Variants in C2orf66 observed in about 807,000 individuals in gnomAD.
The protein encoded by C2orf66 is chromosome 2 open reading frame 66.
Under a neutral mutation model 7.0 loss-of-function variants are expected in C2orf66, and 6 were observed. That is an observed-to-expected ratio of 0.86 (90% CI 0.47 to 1.69). The LOEUF (loss-of-function observed/expected upper bound fraction) is 1.69. Ranked by LOEUF, C2orf66 falls within the 40% of genes most tolerant of loss-of-function variation. C2orf66 has a pLI of 0.01. For missense variants in C2orf66, 107 were observed against 112.0 expected (o/e 0.96, Z 0.20); for synonymous variants, 38 against 43.8 (o/e 0.87, Z 0.52).
chr2:196,818,762 G>C, the C2orf66 span, among the ~76,000 whole-genome samples: 1 of 152,170 alleles, frequency 6.6e-6, no homozygotes, highest in Non-Finnish European at 1.5e-5. Context: ...AAATTCATCA[G>C]AGGAGTAAAA....
the C2orf66 span, among the ~76,000 whole-genome samples, chr2:196,819,636 TGAA>T: frequency 6.6e-6 from 1 of 152,222 alleles, no homozygotes; most frequent in Non-Finnish European, 1.5e-5. Flanking sequence ...GGTGCTCTCT[TGAA>T]GGAGGCACCA....
the C2orf66 span, among the ~76,000 whole-genome samples, chr2:196,818,951 C>A: frequency 2.0e-5 from 3 of 152,078 alleles, no homozygotes; most frequent in Middle Eastern, 3.2e-3. Flanking sequence ...AAAATAGAGT[C>A]TAAACTCTTG....
At chr2:196,807,319 C>A in intron 2 of C2orf66, 105 bp downstream of exon 2, 1 of 682,568 alleles carries the variant, frequency 1.5e-6, no homozygotes, top group Non-Finnish European at 2.4e-6. Flanking sequence ...GCATTTATTT[C>A]TATGAGGAAA....
At chr2:196,816,612 G>A in the C2orf66 span, among the ~76,000 whole-genome samples, 2 of 152,176 alleles carry the variant, frequency 1.3e-5, no homozygotes, top group Non-Finnish European at 1.5e-5. Flanking sequence ...GTACCTGAGT[G>A]ATGGGATCAT....
chr2:196,829,845 C>T, the C2orf66 span, among the ~76,000 whole-genome samples: 1 of 151,134 alleles, frequency 6.6e-6, no homozygotes, highest in South Asian at 2.1e-4. Flanking sequence ...TTCAGTGAGC[C>T]GAGATCACGC....
chr2:196,814,594 T>A, the C2orf66 span, among the ~76,000 whole-genome samples: 4 of 151,654 alleles, frequency 2.6e-5, no homozygotes, highest in Admixed American at 6.6e-5. Context: ...AAAAAAAAAA[T>A]TTTTACTGAG....
the C2orf66 span, among the ~76,000 whole-genome samples, chr2:196,823,305 C>T: frequency 3.3e-5 from 5 of 151,990 alleles, no homozygotes; most frequent in Non-Finnish European, 7.4e-5. Context: ...GAAACTAAAA[C>T]GAGCTGCTGA....
chr2:196,830,812 A>G, the C2orf66 span, among the ~76,000 whole-genome samples: 1 of 152,012 alleles, frequency 6.6e-6, no homozygotes, highest in Non-Finnish European at 1.5e-5. Context: ...CTGCCCCTTG[A>G]TCTTCCTGTC....
the C2orf66 span, among the ~76,000 whole-genome samples, chr2:196,820,289 G>A: frequency 1.3e-5 from 2 of 152,066 alleles, no homozygotes; most frequent in South Asian, 4.2e-4. Context: ...TGGAAACTTC[G>A]GGCCCTATTT....
At chr2:196,827,402 T>C in the C2orf66 span, among the ~76,000 whole-genome samples, 1 of 152,288 alleles carries the variant, frequency 6.6e-6, no homozygotes, top group African/African-American at 2.4e-5. Context: ...GTAATCTACT[T>C]CCTTTCTTAA....
At chr2:196,828,449 G>A in the C2orf66 span, among the ~76,000 whole-genome samples, 213 of 152,230 alleles carry the variant, frequency 1.4e-3, no homozygotes, top group Non-Finnish European at 2.6e-3. Context: ...TCCATGTCAC[G>A]TGTAGCATGC....
At chr2:196,813,378 T>C (rs190950869), upstream of C2orf66, among the ~76,000 whole-genome samples, 14 of 152,304 alleles carry the variant, frequency 9.2e-5, no homozygotes, top group Non-Finnish European at 1.9e-4. Context: ...TAGCCATATG[T>C]AGAAAGCTGA....
At chr2:196,831,672 T>C in the C2orf66 span, among the ~76,000 whole-genome samples, 25 of 152,228 alleles carry the variant, frequency 1.6e-4, no homozygotes, top group South Asian at 4.0e-3. Context: ...TCTTGCAAGA[T>C]TGGGCGTCCG....
the C2orf66 span, among the ~76,000 whole-genome samples, chr2:196,821,928 CT>C: frequency 0.014 from 451 of 32,158 alleles, no homozygotes; most frequent in Middle Eastern, 0.071. Flanking sequence ...AACCAGTGAG[CT>C]TTTTTTTTTT....
At chr2:196,810,498 T>C (rs1317498215), upstream of C2orf66, among the ~76,000 whole-genome samples, 1 of 152,202 alleles carries the variant, frequency 6.6e-6, no homozygotes, top group African/African-American at 2.4e-5. Context: ...ATAACACATG[T>C]TTCATGGAAA....
At chr2:196,805,545 G>A (rs1225147548) in intron 2 of C2orf66, 137 bp from the exon 3 acceptor site, 1 of 151,314 alleles carries the variant, frequency 6.6e-6, no homozygotes, top group Non-Finnish European at 1.5e-5. Context: ...GGAACATAGA[G>A]TTCATAATTA....
the C2orf66 span, among the ~76,000 whole-genome samples, chr2:196,830,213 A>G: frequency 0.01 from 1,559 of 152,312 alleles, 23 homozygotes; most frequent in African/African-American, 0.036. Context: ...AATGTTCACC[A>G]AACTTGATTG....
At chr2:196,812,234 T>C (rs1330412493), upstream of C2orf66, among the ~76,000 whole-genome samples, 2 of 152,162 alleles carry the variant, frequency 1.3e-5, no homozygotes, top group Admixed American at 6.5e-5. Flanking sequence ...CTTTAAAGTA[T>C]ATAATAATAT....
chr2:196,821,679 T>C, the C2orf66 span, among the ~76,000 whole-genome samples: 1 of 152,184 alleles, frequency 6.6e-6, no homozygotes, highest in South Asian at 2.1e-4. Flanking sequence ...AGTCACATAA[T>C]TTTGTATTGA....
Sources: allele counts gnomAD v4.1 joint callset (sites outside exome capture counted in the v4.1 genomes callset), GRCh38; gene constraint gnomAD v4.1.1; transcripts MANE v1.5; gene names NCBI Gene and HGNC (gene_info 2026-07-23, HGNC 2026-07-21).